The following KIAA0232 variants were observed in gnomAD, a reference collection of about 807,000 sequenced individuals.
KIAA0232 encodes the protein uncharacterized protein KIAA0232.
A neutral mutation model predicts 122.0 loss-of-function variants in KIAA0232; 27 were observed. That is an observed-to-expected ratio of 0.22 (90% CI 0.16 to 0.31). The LOEUF is 0.31. Ranked by LOEUF, KIAA0232 falls within the 10% of genes least tolerant of loss-of-function variation. The pLI, the probability that KIAA0232 is intolerant of heterozygous loss-of-function variation, is 1.00. For synonymous variants in KIAA0232, 613 were observed against 587.6 expected (o/e 1.04, Z -0.63); for missense variants, 1,551 against 1,634.2 (o/e 0.95, Z 0.88).
rs1323474877 is a variant in KIAA0232, at chr4:6,871,608, A to C, written c.3836A>C (p.Asn1279Thr). 6.2e-7 allele frequency: 1 copy of C among 1,611,494 alleles called. No individual in the cohort carries two copies. The highest frequency in any genetic ancestry group is 1.3e-5 in the African/African-American group (1 of 74,874). ...TTGAACACTGATATACAAGGAATGA[A>C]TAGAAGTCAAGAAAAACAGACCTGG... ...PVLNTDIQGM[N>T]RSQEKQTWWE... Residue 1279 changes from asparagine (N) to threonine (T), a missense_variant, in exon 8 of 10, where the codon AAT becomes ACT. Physicochemically the swap from Asn to Thr is moderately conservative, Grantham distance 65. Transcript: ENST00000307659.
intron 4 of KIAA0232, among the ~76,000 whole-genome samples, chr4:6,854,150 T>C (rs377598830): frequency 8.8e-4 from 134 of 152,190 alleles, no homozygotes; most frequent in African/African-American, 3.1e-3. Context: ...AAAAACAAGA[T>C]TGTAGAAAAT....
chr4:6,852,667 T>G (rs1720355493), intron 4 of KIAA0232, among the ~76,000 whole-genome samples: 1 of 152,242 alleles, frequency 6.6e-6, no homozygotes, highest in South Asian at 2.1e-4. Context: ...ACTTAGTGGC[T>G]TGAAACAACT....
intron 9 of KIAA0232, among the ~76,000 whole-genome samples, chr4:6,879,409 G>A (rs1011900337): frequency 3.3e-5 from 5 of 152,126 alleles, no homozygotes; most frequent in Admixed American, 6.5e-5. Flanking sequence ...TGCTAACCAT[G>A]ATGTCACTTT....
intron 1 of KIAA0232, among the ~76,000 whole-genome samples, chr4:6,786,219 T>G (rs1716612621): frequency 6.6e-6 from 1 of 152,232 alleles, no homozygotes; most frequent in African/African-American, 2.4e-5. Context: ...AAAGTCAAAG[T>G]CTGTAATCAA....
chr4:6,792,960 A>G (rs1426273949), intron 1 of KIAA0232, among the ~76,000 whole-genome samples: 2 of 152,108 alleles, frequency 1.3e-5, no homozygotes, highest in Admixed American at 1.3e-4. Flanking sequence ...TGCTGGGATT[A>G]CAGGCATGAG....
intron 2 of KIAA0232, among the ~76,000 whole-genome samples, chr4:6,806,966 G>A (rs538140657): frequency 5.7e-4 from 87 of 151,610 alleles, no homozygotes; most frequent in African/African-American, 2.0e-3. Flanking sequence ...AATCTATGTA[G>A]AACTGATCGC....
intron 1 of KIAA0232, among the ~76,000 whole-genome samples, chr4:6,802,015 T>C (rs1298681233): frequency 6.6e-6 from 1 of 152,224 alleles, no homozygotes; most frequent in African/African-American, 2.4e-5. Flanking sequence ...TTGATCCTGA[T>C]AGGGCTGTTA....
intron 1 of KIAA0232, among the ~76,000 whole-genome samples, chr4:6,792,932 T>C (rs1421034293): frequency 6.6e-5 from 10 of 152,106 alleles, no homozygotes; most frequent in Non-Finnish European, 1.5e-4. Flanking sequence ...GTGATCCGCC[T>C]GCCTCAGCCT....
chr4:6,833,438 T>C lies in KIAA0232; in HGVS notation c.232-8629T>C, dbSNP rs1399437848. 3.3e-5 allele frequency among the ~76,000 whole-genome samples: 5 copies of C among 151,986 alleles called. No individual in the cohort carries two copies. The East Asian group carries it at 9.6e-4, about 29-fold the overall frequency. ...TGAGCCCAGGAGTTTGAAACTAGCC[T>C]GGGCAACATGGAGAAACCCTGTCTC... On this transcript the variant is annotated intron_variant, in intron 3 of 9. Coordinates refer to ENST00000307659, the MANE Select transcript of KIAA0232 (RefSeq NM_014743.3).
At chr4:6,870,373 T>C (rs1032918179) in intron 7 of KIAA0232, among the ~76,000 whole-genome samples, 1 of 152,258 alleles carries the variant, frequency 6.6e-6, no homozygotes, top group African/African-American at 2.4e-5. Context: ...TCTCATCTCA[T>C]TTGGATGGCT....
Position 6,883,090 on chromosome 4 carries a change from C to G in KIAA0232, c.*2124C>G, listed in dbSNP as rs1358938855. 1 of 152,630 alleles carries G rather than the reference C, an allele frequency of 6.6e-6. No individual in the cohort carries two copies. Among genetic ancestry groups the G allele is most frequent in the Non-Finnish European group, 1.5e-5 (1 of 68,034 alleles). The allele number at this position is 152,630 out of a possible 1,614,324, so 9.5% of individuals were successfully genotyped here. A position where few individuals can be genotyped will look rare whatever the true frequency, so the allele number is the denominator to read the frequency against. On this transcript the variant is annotated 3_prime_UTR_variant, in exon 10 of 10. Coordinates refer to ENST00000307659, the MANE Select transcript of KIAA0232 (RefSeq NM_014743.3). ...TGTTTTCATAGTTAAGTAGCTGAAGCTCAGAGGCTTTCAGCAACAGAGATG... is the reference window on the plus strand; with the variant it reads ...TGTTTTCATAGTTAAGTAGCTGAAGGTCAGAGGCTTTCAGCAACAGAGATG...
rs190008153 is a variant in KIAA0232, at chr4:6,827,540, G to A, written c.231+2856G>A. On this transcript the variant is annotated intron_variant, in intron 3 of 9. Transcript: ENST00000307659. The stretch of plus-strand genomic sequence containing the variant: ...TGGGTGTTCATTTCCTCACATCTTC[G>A]CTCACCCCTTAGTCCTTGAGTTAGT... Among the ~76,000 whole-genome samples the A allele has an allele frequency of 6.6e-5, 10 of 152,268 alleles. No individual in the cohort carries two copies. In the South Asian group the frequency reaches 1.2e-3, roughly 19 times the overall value.
chr4:6,867,923 C>T (rs143158960), intron 7 of KIAA0232, among the ~76,000 whole-genome samples: 153 of 152,326 alleles, frequency 1.0e-3, no homozygotes, highest in African/African-American at 3.3e-3. Flanking sequence ...AGACTTAGAC[C>T]AGCAGTTCTG....
chr4:6,844,881 A>G (rs1481655135), intron 4 of KIAA0232, among the ~76,000 whole-genome samples: 1 of 152,238 alleles, frequency 6.6e-6, no homozygotes, highest in Non-Finnish European at 1.5e-5. Context: ...GAATAGAAAT[A>G]TATGTAAAGG....
At chr4:6,806,441 A>G (rs1406585471) in intron 2 of KIAA0232, among the ~76,000 whole-genome samples, 1 of 152,170 alleles carries the variant, frequency 6.6e-6, no homozygotes, top group Non-Finnish European at 1.5e-5. Context: ...TCAAACAGTA[A>G]CAAAACAATA....
intron 4 of KIAA0232, among the ~76,000 whole-genome samples, chr4:6,850,687 T>TA (rs1720228800): frequency 6.6e-6 from 1 of 151,342 alleles, no homozygotes; most frequent in Non-Finnish European, 1.5e-5. Flanking sequence ...TTTTTTTTTT[T>TA]AGACGGAGTC....
At chr4:6,859,395 G>T (rs1171498126) in intron 6 of KIAA0232, among the ~76,000 whole-genome samples, 3 of 152,126 alleles carry the variant, frequency 2.0e-5, no homozygotes, top group Non-Finnish European at 4.4e-5. Flanking sequence ...CAGCACAGAA[G>T]CTGTAAGCCA....
At chr4:6,841,362 A>G (rs1719653182) in intron 3 of KIAA0232, among the ~76,000 whole-genome samples, 1 of 152,210 alleles carries the variant, frequency 6.6e-6, no homozygotes, top group Non-Finnish European at 1.5e-5. Flanking sequence ...GCTTTCATTA[A>G]CTTTCATTCC....
intron 6 of KIAA0232, among the ~76,000 whole-genome samples, chr4:6,859,087 G>C (rs975615326): frequency 4.5e-5 from 6 of 132,438 alleles, no homozygotes; most frequent in Non-Finnish European, 9.3e-5. Flanking sequence ...GACAGAGCGA[G>C]ACTCTGTCTT....
Sources: gnomAD v4.1 joint callset for allele counts (sites outside exome capture counted in the v4.1 genomes callset) on GRCh38, gnomAD v4.1.1 for gene constraint, MANE v1.5 for transcripts, NCBI Gene and HGNC (gene_info 2026-07-23, HGNC 2026-07-21) for gene names.